MCF2L2: variants seen among roughly 807,000 people sequenced by gnomAD.
The protein encoded by MCF2L2 is MCF.2 cell line derived transforming sequence-like 2.
MCF2L2 carries 102 observed loss-of-function variants against 150.2 expected under a neutral mutation model. That is an observed-to-expected ratio of 0.68 (90% confidence interval 0.58 to 0.80). MCF2L2 has a LOEUF of 0.80. MCF2L2 is among the 30% of genes least tolerant of loss of function. The pLI is 0.00. For synonymous variants in MCF2L2, 465 were observed against 491.3 expected (o/e 0.95, Z 0.71); for missense variants, 1,256 against 1,372.8 (o/e 0.91, Z 1.34).
chr3:183,357,200 A>C (rs1056842729), intron 3 of MCF2L2, among the ~76,000 whole-genome samples: 1 of 152,236 alleles, frequency 6.6e-6, no homozygotes, highest in African/African-American at 2.4e-5. Flanking sequence ...AAGAACAAAT[A>C]GGGCCACACA....
chr3:183,416,980 G>T (rs2314385), intron 1 of MCF2L2, among the ~76,000 whole-genome samples: 18,607 of 150,964 alleles, frequency 0.12, 1,245 homozygotes, highest in East Asian at 0.2. Context: ...GGCGTGGTGG[G>T]GCGTGCCTGT....
chr3:183,363,203 C>T (rs938601684), intron 3 of MCF2L2, among the ~76,000 whole-genome samples: 3 of 152,170 alleles, frequency 2.0e-5, no homozygotes, highest in African/African-American at 7.2e-5. Context: ...GAATGCAACA[C>T]GGCACAGCCA....
rs567670832 is a variant in MCF2L2 at position 183,216,683 on chromosome 3, C to T, written c.2371-589G>A. Among the ~76,000 whole-genome samples, 698 of 143,418 alleles carry T rather than the reference C, an allele frequency of 4.9e-3. 5 individuals are homozygous for T. The highest frequency in any genetic ancestry group is 0.017 in the African/African-American group (644 of 37,644). 94.1% of individuals were successfully genotyped at this position (143,418 alleles called of 152,430 possible). Reference sequence around the variant, plus strand: ...GCAGAGGCACGATCTCGGCTCGCTGCAACCTCTGCCTCCTGGATTCAAGCA... The same window carrying T: ...GCAGAGGCACGATCTCGGCTCGCTGTAACCTCTGCCTCCTGGATTCAAGCA... On this transcript the variant is annotated intron_variant, in intron 21 of 29. Transcript: ENST00000328913.
chr3:183,309,673 C>T, intron 10 of MCF2L2, 43 bp downstream of exon 10: 1 of 1,613,610 alleles, frequency 6.2e-7, no homozygotes, highest in African/African-American at 1.3e-5. Context: ...TCATTGTCCA[C>T]AGCAACCTCC....
rs185803081 is a variant in MCF2L2, at chr3:183,264,213, C to T, written c.1862+12659G>A. Reference sequence around the variant, plus strand: ...GGTTCCCACCTCTCTGCTTTCAAATCTTCTATCTGCCATACACAGTTCTTG... The same window carrying T: ...GGTTCCCACCTCTCTGCTTTCAAATTTTCTATCTGCCATACACAGTTCTTG... On this transcript the variant is annotated intron_variant, in intron 15 of 29. Coordinates refer to ENST00000328913, the MANE Select transcript of MCF2L2 (RefSeq NM_015078.4). Among the ~76,000 whole-genome samples the T allele has an allele frequency of 7.4e-3, 1,133 of 152,322 alleles. 73 individuals carry two copies. Among genetic ancestry groups the T allele is most frequent in the Admixed American group, 0.068 (1,047 of 15,290 alleles).
intron 4 of MCF2L2, among the ~76,000 whole-genome samples, chr3:183,340,590 C>T (rs1416305919): frequency 1.3e-5 from 2 of 152,130 alleles, no homozygotes; most frequent in African/African-American, 4.8e-5. Flanking sequence ...AAGCACACCT[C>T]CCACCATGCT....
chr3:183,273,896 T>G (rs1040669694), intron 15 of MCF2L2, among the ~76,000 whole-genome samples: 6 of 152,128 alleles, frequency 3.9e-5, no homozygotes, highest in African/African-American at 1.4e-4. Flanking sequence ...CCTGGGATGT[T>G]TGCACATCGA....
chr3:183,387,782 AT>A (rs1409720596), intron 2 of MCF2L2, among the ~76,000 whole-genome samples: 1 of 152,030 alleles, frequency 6.6e-6, no homozygotes, highest in East Asian at 1.9e-4. Flanking sequence ...AAACACAAAA[AT>A]TAGCCGGGCA....
At chr3:183,379,853 T>C (rs574426298) in intron 2 of MCF2L2, among the ~76,000 whole-genome samples, 1 of 152,038 alleles carries the variant, frequency 6.6e-6, no homozygotes, top group East Asian at 1.9e-4. Flanking sequence ...AGATACTTAA[T>C]GTGTTTCTTT....
At chr3:183,422,911 G>C (rs1315241545) in intron 1 of MCF2L2, among the ~76,000 whole-genome samples, 2 of 152,166 alleles carry the variant, frequency 1.3e-5, no homozygotes, top group Non-Finnish European at 2.9e-5. Flanking sequence ...TCTGGAAATG[G>C]AACTCCAACT....
intron 1 of MCF2L2, among the ~76,000 whole-genome samples, chr3:183,395,274 C>T (rs957954979): frequency 2.6e-5 from 4 of 151,764 alleles, no homozygotes; most frequent in African/African-American, 9.7e-5. Flanking sequence ...CCACATTCAC[C>T]GAAAAAGATT....
intron 1 of MCF2L2, among the ~76,000 whole-genome samples, chr3:183,404,998 G>A (rs1255886830): frequency 6.6e-6 from 1 of 152,008 alleles, no homozygotes; most frequent in Non-Finnish European, 1.5e-5. Context: ...AAATCATGTA[G>A]CAAAAAATTA....
At chr3:183,269,972 G>C (rs1214779226) in intron 15 of MCF2L2, 1 of 1,614,012 alleles carries the variant, frequency 6.2e-7, no homozygotes, top group African/African-American at 1.3e-5. Flanking sequence ...ATGACTTTGT[G>C]AATGATACCC....
At chr3:183,238,258 T>C (rs1560359745) in intron 15 of MCF2L2, among the ~76,000 whole-genome samples, 1 of 151,928 alleles carries the variant, frequency 6.6e-6, no homozygotes, top group Non-Finnish European at 1.5e-5. Flanking sequence ...TTTTTTTTTT[T>C]TTTTAGCTCA....
intron 1 of MCF2L2, among the ~76,000 whole-genome samples, chr3:183,393,350 C>T (rs772153561): frequency 2.0e-5 from 3 of 151,882 alleles, no homozygotes; most frequent in Non-Finnish European, 2.9e-5. Context: ...CCTGCCACCA[C>T]GCCCGGCTAA....
Position 183,389,759 on chromosome 3 carries a change from C to A in MCF2L2, c.97G>T (p.Val33Phe), listed in dbSNP as rs1212482582. ...ATCTCCACCGCCATCAGGGGTCTGA[C>A]TTCCTGCTGCATAATTTCATCTGCA... ...THVDEIMQQE[V>F]RPLMAVEIIE... The change falls in exon 2 of 30, where the codon GTC becomes TTC. Residue 33 changes from valine to phenylalanine, a missense_variant. By Grantham distance (50) the Val-to-Phe change is conservative. Transcript: ENST00000328913. 2 of 1,614,012 alleles carry A rather than the reference C, an allele frequency of 1.2e-6. No individual in the cohort carries two copies. Among genetic ancestry groups the A allele is most frequent in the Non-Finnish European group, 1.7e-6 (2 of 1,179,962 alleles).
intron 3 of MCF2L2, among the ~76,000 whole-genome samples, chr3:183,367,429 C>T (rs1011208506): frequency 3.3e-5 from 5 of 152,056 alleles, no homozygotes; most frequent in Admixed American, 1.3e-4. Flanking sequence ...GGGATTTCAC[C>T]GTGTTGGCCA....
At chr3:183,238,581 C>A (rs1462447598) in intron 15 of MCF2L2, among the ~76,000 whole-genome samples, 2 of 151,456 alleles carry the variant, frequency 1.3e-5, no homozygotes, top group Admixed American at 6.6e-5. Context: ...GCGTGAGCCA[C>A]CTCGCCTGGC....
intron 2 of MCF2L2, among the ~76,000 whole-genome samples, chr3:183,389,259 T>C (rs1404533324): frequency 6.6e-6 from 1 of 152,176 alleles, no homozygotes; most frequent in South Asian, 2.1e-4. Flanking sequence ...ATCCCTTAAA[T>C]GAGCTAAGAG....
Sources: gnomAD v4.1 joint callset for allele counts (sites outside exome capture counted in the v4.1 genomes callset) on GRCh38, gnomAD v4.1.1 for gene constraint, MANE v1.5 for transcripts, NCBI Gene and HGNC (gene_info 2026-07-23, HGNC 2026-07-21) for gene names.